Variants in CADM2 observed in about 807,000 individuals in gnomAD.
CADM2 encodes the protein cell adhesion molecule 2.
CADM2 carries 12 observed loss-of-function variants against 49.8 expected under a neutral mutation model. That is an observed-to-expected ratio of 0.24 (90% confidence interval 0.15 to 0.39). The LOEUF (loss-of-function observed/expected upper bound fraction) is 0.39. Ranked by LOEUF, CADM2 falls within the 10% of genes least tolerant of loss-of-function variation. The pLI, the probability that CADM2 is intolerant of heterozygous loss-of-function variation, is 1.00. For missense variants in CADM2, 378 were observed against 492.3 expected (o/e 0.77, Z 2.20); for synonymous variants, 214 against 175.4 (o/e 1.22, Z -1.74).
At chr3:85,229,207 G>T (rs572520061) in intron 1 of CADM2, among the ~76,000 whole-genome samples, 4 of 152,292 alleles carry the variant, frequency 2.6e-5, no homozygotes, top group African/African-American at 9.6e-5. Flanking sequence ...TCTGCTAGCA[G>T]CAAGGACTTC....
chr3:85,158,962 C>T (rs1228834200), intron 1 of CADM2, among the ~76,000 whole-genome samples: 3 of 151,900 alleles, frequency 2.0e-5, no homozygotes, highest in Non-Finnish European at 2.9e-5. Context: ...TTGACGTCTG[C>T]GTGTGTGTTA....
intron 1 of CADM2, among the ~76,000 whole-genome samples, chr3:85,071,521 A>G (rs1257497824): frequency 6.6e-6 from 1 of 152,102 alleles, no homozygotes; most frequent in Non-Finnish European, 1.5e-5. Context: ...CTTGTGTTCC[A>G]CTCTATATTC....
At chr3:85,289,143 A>T (rs921832417) in intron 1 of CADM2, among the ~76,000 whole-genome samples, 1 of 152,214 alleles carries the variant, frequency 6.6e-6, no homozygotes, top group East Asian at 1.9e-4. Flanking sequence ...AAAGATGCAC[A>T]TAAGTGGCAA....
chr3:85,207,898 C>T (rs780698570), intron 1 of CADM2, among the ~76,000 whole-genome samples: 3 of 152,054 alleles, frequency 2.0e-5, no homozygotes, highest in Non-Finnish European at 2.9e-5. Flanking sequence ...TGTTTCCTTT[C>T]TCCTTTGTTT....
chr3:85,179,023 A>G (rs997590714), intron 1 of CADM2, among the ~76,000 whole-genome samples: 17 of 152,108 alleles, frequency 1.1e-4, no homozygotes, highest in African/African-American at 4.1e-4. Context: ...CCATGACTAC[A>G]TAAAATGAAA....
intron 1 of CADM2, among the ~76,000 whole-genome samples, chr3:85,195,511 G>T (rs1440769279): frequency 6.7e-6 from 1 of 149,842 alleles, no homozygotes; most frequent in Non-Finnish European, 1.5e-5. Flanking sequence ...TATATATTTT[G>T]ACAATATGTG....
intron 1 of CADM2, among the ~76,000 whole-genome samples, chr3:85,267,307 G>A (rs748465874): frequency 6.6e-6 from 1 of 151,552 alleles, no homozygotes; most frequent in Non-Finnish European, 1.5e-5. Context: ...TTAAGGATCT[G>A]CCTTCACCTC....
intron 1 of CADM2, among the ~76,000 whole-genome samples, chr3:85,011,458 C>A (rs1039438566): frequency 1.1e-4 from 16 of 151,998 alleles, no homozygotes; most frequent in Non-Finnish European, 2.4e-4. Context: ...ATCACAGATG[C>A]AACAAAAATA....
At chr3:85,657,763 T>TATATATATATCTACAG (rs2065256140) in intron 1 of CADM2, among the ~76,000 whole-genome samples, 5 of 122,242 alleles carry the variant, frequency 4.1e-5, no homozygotes, top group Non-Finnish European at 9.0e-5. Context: ...TATACACAGA[T>TATATATATATCTACAG]ATATATATAT....
At chr3:85,418,966 A>AG (rs200705523) in intron 1 of CADM2, among the ~76,000 whole-genome samples, 12 of 100,182 alleles carry the variant, frequency 1.2e-4, no homozygotes, top group Admixed American at 8.8e-4. Flanking sequence ...TCATTTTGAG[A>AG]GGGGAAAAAA....
At chr3:85,950,575 G>C (rs1037024989) in intron 7 of CADM2, among the ~76,000 whole-genome samples, 1 of 150,982 alleles carries the variant, frequency 6.6e-6, no homozygotes, top group African/African-American at 2.4e-5. Context: ...CTCTAAAAAT[G>C]CCATTATTTT....
chr3:85,428,351 T>G (rs1576536147), intron 1 of CADM2, among the ~76,000 whole-genome samples: 2 of 146,204 alleles, frequency 1.4e-5, no homozygotes, highest in Non-Finnish European at 3.0e-5. Context: ...TTTTCATATA[T>G]TCATATATAT....
intron 1 of CADM2, among the ~76,000 whole-genome samples, chr3:85,490,848 T>TA (rs879568855): frequency 9.9e-4 from 138 of 139,372 alleles, no homozygotes; most frequent in East Asian, 1.8e-3. Flanking sequence ...GTTCTGAGAG[T>TA]AAAAAAAAAA....
intron 1 of CADM2, among the ~76,000 whole-genome samples, chr3:85,602,709 T>C (rs192920114): frequency 7.9e-5 from 12 of 151,900 alleles, no homozygotes; most frequent in Admixed American, 2.6e-4. Flanking sequence ...AATACTTTGG[T>C]GAAAGTGTCA....
chr3:85,186,188 C>A (rs534411469), intron 1 of CADM2, among the ~76,000 whole-genome samples: 3 of 152,202 alleles, frequency 2.0e-5, no homozygotes, highest in African/African-American at 7.2e-5. Context: ...CCATTATGAA[C>A]GTTATTTTCT....
At chr3:86,023,853 C>G (rs1052522858) in intron 8 of CADM2, among the ~76,000 whole-genome samples, 2 of 152,160 alleles carry the variant, frequency 1.3e-5, no homozygotes, top group Non-Finnish European at 2.9e-5. Context: ...CTTCATCACT[C>G]TGACATGGAT....
intron 1 of CADM2, among the ~76,000 whole-genome samples, chr3:85,650,520 AC>A: frequency 6.6e-6 from 1 of 150,752 alleles, no homozygotes; most frequent in East Asian, 2.0e-4. Flanking sequence ...AAAAAAAAAA[AC>A]CTCCAAAGAG....
At chr3:85,525,625 C>G (rs1055166468) in intron 1 of CADM2, among the ~76,000 whole-genome samples, 1 of 152,088 alleles carries the variant, frequency 6.6e-6, no homozygotes, top group African/African-American at 2.4e-5. Context: ...CTAGGACAAT[C>G]TTTGGTTTTT....
chr3:85,215,629 A>T (rs1008911104), intron 1 of CADM2, among the ~76,000 whole-genome samples: 10 of 151,838 alleles, frequency 6.6e-5, no homozygotes, highest in African/African-American at 2.4e-4. Flanking sequence ...CTGGATTTGA[A>T]CTCAGTACAG....
Sources: allele counts gnomAD v4.1 joint callset (sites outside exome capture counted in the v4.1 genomes callset), GRCh38; gene constraint gnomAD v4.1.1; transcripts MANE v1.5; gene names NCBI Gene and HGNC (gene_info 2026-07-23, HGNC 2026-07-21).